The following SPHKAP variants were observed in gnomAD, a reference collection of about 807,000 sequenced individuals.
SPHKAP encodes A-kinase anchor protein SPHKAP.
SPHKAP carries 67 observed loss-of-function variants against 137.5 expected under a neutral mutation model. The ratio of observed to expected loss-of-function variants is 0.49; its 90% CI spans 0.40 to 0.60. The LOEUF (loss-of-function observed/expected upper bound fraction) is 0.60. Among genes scored for constraint, SPHKAP ranks in the 20% least tolerant of loss-of-function variants. The probability of loss-of-function intolerance (pLI) is 0.00; values close to 1 mark genes in which losing one functional copy is unlikely to be tolerated. For missense variants in SPHKAP, 2,097 were observed against 2,069.3 expected (o/e 1.01, Z -0.26); for synonymous variants, 813 against 785.3 (o/e 1.04, Z -0.59).
intron 2 of SPHKAP, among the ~76,000 whole-genome samples, chr2:228,112,807 T>G (rs1698560665): frequency 6.6e-6 from 1 of 152,128 alleles, no homozygotes; most frequent in African/African-American, 2.4e-5. Flanking sequence ...GAACCTATTT[T>G]AAAAATAAAT....
intron 1 of SPHKAP, among the ~76,000 whole-genome samples, chr2:228,151,846 C>CT (rs1361716951): frequency 2.6e-5 from 4 of 151,780 alleles, no homozygotes; most frequent in South Asian, 4.2e-4. Context: ...TATATTTAGC[C>CT]TTTTTTTAAA....
chr2:228,019,200 A>G lies in SPHKAP; in HGVS notation c.1654T>C (p.Tyr552His). The change falls in exon 7 of 12, where the codon TAC becomes CAC. Residue 552 changes from tyrosine to histidine, a missense_variant. By Grantham distance (83) the Tyr-to-His change is moderately conservative (BLOSUM62 2). Coordinates refer to ENST00000392056, the MANE Select transcript of SPHKAP (RefSeq NM_001142644.2). Reference sequence around the variant, plus strand: ...CCACACAAAGCAGATGGAAAGGAGTACTCATTGATGGAAGGTTCCTTGAGT... The same window carrying G: ...CCACACAAAGCAGATGGAAAGGAGTGCTCATTGATGGAAGGTTCCTTGAGT... ...QGLKEPSINE[Y>H]SFPSALCGMT... The G allele has an allele frequency of 1.2e-6, 2 of 1,613,796 alleles. No individual in the cohort carries two copies. Among genetic ancestry groups the G allele is most frequent in the Non-Finnish European group, 1.7e-6 (2 of 1,180,028 alleles).
intron 3 of SPHKAP, among the ~76,000 whole-genome samples, chr2:228,028,593 A>G (rs896242593): frequency 6.6e-6 from 1 of 152,218 alleles, no homozygotes; most frequent in Admixed American, 6.5e-5. Context: ...TTCTATGTTT[A>G]CATATGTTTA....
At chr2:228,152,763 T>C (rs141982939) in intron 1 of SPHKAP, among the ~76,000 whole-genome samples, 1 of 152,076 alleles carries the variant, frequency 6.6e-6, no homozygotes, top group Non-Finnish European at 1.5e-5. Context: ...ATATGTATAC[T>C]TACCTTATTA....
At chr2:228,071,374 G>A (rs895181043) in intron 3 of SPHKAP, among the ~76,000 whole-genome samples, 3 of 152,152 alleles carry the variant, frequency 2.0e-5, no homozygotes, top group Non-Finnish European at 4.4e-5. Flanking sequence ...GGAACTTGTC[G>A]GCTGCTTCTT....
chr2:228,070,586 C>T (rs1429617679), intron 3 of SPHKAP, among the ~76,000 whole-genome samples: 2 of 152,142 alleles, frequency 1.3e-5, no homozygotes, highest in Non-Finnish European at 2.9e-5. Context: ...TCCTGCCACA[C>T]TGTCTAATGT....
At chr2:228,178,910 A>T (rs1700818455) in intron 1 of SPHKAP, among the ~76,000 whole-genome samples, 2 of 152,000 alleles carry the variant, frequency 1.3e-5, no homozygotes, top group South Asian at 4.1e-4. Flanking sequence ...CAGTTTAATA[A>T]CTCAAAGAAC....
chr2:228,143,061 T>TA (rs200853145), intron 1 of SPHKAP, among the ~76,000 whole-genome samples: 29 of 151,910 alleles, frequency 1.9e-4, no homozygotes, highest in East Asian at 5.8e-4. Context: ...TATTCTTAAT[T>TA]AAAAAAAACC....
At chr2:228,100,437 G>T (rs1698152966) in intron 3 of SPHKAP, among the ~76,000 whole-genome samples, 1 of 152,086 alleles carries the variant, frequency 6.6e-6, no homozygotes, top group African/African-American at 2.4e-5. Context: ...TAAGGGGAAT[G>T]CTTCCAGCTC....
At chr2:227,998,702 C>T (rs1402875643) in intron 7 of SPHKAP, among the ~76,000 whole-genome samples, 1 of 152,184 alleles carries the variant, frequency 6.6e-6, no homozygotes, top group Non-Finnish European at 1.5e-5. Context: ...AATCCCACTC[C>T]TTGCTTCCAT....
At chr2:228,148,299 C>T (rs1024748272) in intron 1 of SPHKAP, among the ~76,000 whole-genome samples, 5 of 152,172 alleles carry the variant, frequency 3.3e-5, no homozygotes, top group African/African-American at 1.2e-4. Context: ...AAGTAGAAAA[C>T]CATCCTCCTT....
chr2:228,070,375 A>C (rs1398455161), intron 3 of SPHKAP, among the ~76,000 whole-genome samples: 1 of 152,192 alleles, frequency 6.6e-6, no homozygotes, highest in Non-Finnish European at 1.5e-5. Flanking sequence ...AAGGGGAGGC[A>C]GGAAGAGCAG....
intron 2 of SPHKAP, among the ~76,000 whole-genome samples, chr2:228,128,699 A>G (rs1246613901): frequency 6.6e-6 from 1 of 152,204 alleles, no homozygotes; most frequent in Non-Finnish European, 1.5e-5. Flanking sequence ...TCCTTGATTC[A>G]TGGGCTGCAG....
intron 7 of SPHKAP, among the ~76,000 whole-genome samples, chr2:227,997,071 A>G (rs1693664701): frequency 6.6e-6 from 1 of 152,124 alleles, no homozygotes; most frequent in Non-Finnish European, 1.5e-5. Context: ...CTAGTCATCC[A>G]CTTTCAAAAC....
chr2:228,006,179 A>G (rs901577973), intron 7 of SPHKAP, among the ~76,000 whole-genome samples: 6 of 152,098 alleles, frequency 3.9e-5, no homozygotes, highest in African/African-American at 1.2e-4. Context: ...AGGTACACCA[A>G]TCCGATGTAG....
chr2:228,111,268 A>G (rs1227983382), intron 2 of SPHKAP, among the ~76,000 whole-genome samples: 1 of 152,120 alleles, frequency 6.6e-6, no homozygotes, highest in Non-Finnish European at 1.5e-5. Flanking sequence ...GATGACCTCA[A>G]ACAGATGACT....
At chr2:228,101,479 A>G (rs1490601833) in intron 3 of SPHKAP, among the ~76,000 whole-genome samples, 1 of 152,150 alleles carries the variant, frequency 6.6e-6, no homozygotes, top group African/African-American at 2.4e-5. Context: ...CACTATTCCT[A>G]TACTGCTGGG....
At chr2:228,173,456 G>A (rs1700647466) in intron 1 of SPHKAP, among the ~76,000 whole-genome samples, 1 of 152,124 alleles carries the variant, frequency 6.6e-6, no homozygotes, top group South Asian at 2.1e-4. Flanking sequence ...GATTATCTAG[G>A]TGACCTGATG....
At chr2:228,012,163 C>CAAA (rs544782857) in intron 7 of SPHKAP, among the ~76,000 whole-genome samples, 31 of 84,912 alleles carry the variant, frequency 3.7e-4, no homozygotes, top group Middle Eastern at 7.0e-3. Flanking sequence ...GACTCTACCT[C>CAAA]AAAAAAAAAA....
Sources: allele counts gnomAD v4.1 joint callset (sites outside exome capture counted in the v4.1 genomes callset), GRCh38; gene constraint gnomAD v4.1.1; transcripts MANE v1.5; gene names NCBI Gene and HGNC (gene_info 2026-07-23, HGNC 2026-07-21).